Variants in SRBD1 observed in about 807,000 individuals in gnomAD.
SRBD1 encodes the protein S1 RNA-binding domain-containing protein 1.
Under a neutral mutation model 115.3 loss-of-function variants are expected in SRBD1, and 88 were observed. The ratio of observed to expected loss-of-function variants is 0.76; its 90% confidence interval spans 0.64 to 0.91. The LOEUF (loss-of-function observed/expected upper bound fraction) is 0.91. Ranked by LOEUF, SRBD1 falls within the 40% of genes least tolerant of loss-of-function variation. The pLI is 0.00. For synonymous variants in SRBD1, 509 were observed against 407.7 expected, an observed-to-expected ratio of 1.25 and a Z score of -2.99; for missense variants, 1,385 against 1,177.4, an observed-to-expected ratio of 1.18 and a Z score of -2.58.
intron 16 of SRBD1, among the ~76,000 whole-genome samples, chr2:45,472,336 G>A (rs1244107048): frequency 6.6e-6 from 1 of 152,180 alleles, no homozygotes; most frequent in Non-Finnish European, 1.5e-5. Flanking sequence ...GAGAATGACT[G>A]CTAATGAATG....
chr2:45,412,402 T>C (rs763726631), intron 19 of SRBD1, among the ~76,000 whole-genome samples: 4 of 152,036 alleles, frequency 2.6e-5, no homozygotes, highest in Non-Finnish European at 4.4e-5. Context: ...AGAAAGCAAA[T>C]TAATGACATT....
chr2:45,519,106 AT>A (rs11459375), intron 14 of SRBD1, among the ~76,000 whole-genome samples: 1 of 152,064 alleles, frequency 6.6e-6, no homozygotes, highest in African/African-American at 2.4e-5. Flanking sequence ...ATAAGCTATA[AT>A]TTTTTAATCA....
intron 14 of SRBD1, among the ~76,000 whole-genome samples, chr2:45,510,475 A>C (rs924075312): frequency 3.3e-5 from 5 of 152,194 alleles, no homozygotes; most frequent in African/African-American, 1.2e-4. Flanking sequence ...AAAATACAGA[A>C]AAATCTTTCC....
intron 16 of SRBD1, among the ~76,000 whole-genome samples, chr2:45,440,646 A>G (rs1329396511): frequency 6.6e-6 from 1 of 152,196 alleles, no homozygotes; most frequent in Non-Finnish European, 1.5e-5. Flanking sequence ...GTAAATCTCT[A>G]TTTTTAGAGA....
At chr2:45,417,081 A>T (rs1667856120) in intron 18 of SRBD1, among the ~76,000 whole-genome samples, 1 of 152,256 alleles carries the variant, frequency 6.6e-6, no homozygotes, top group Non-Finnish European at 1.5e-5. Flanking sequence ...ATATAAACTA[A>T]CAAAAACAGA....
Position 45,443,808 on chromosome 2 carries a change from A to G in SRBD1, c.2050-23914T>C, listed in dbSNP as rs1668742086. Among the ~76,000 whole-genome samples the G allele has an allele frequency of 2.8e-5, 3 of 106,684 alleles. No individual in the cohort carries two copies. The South Asian group carries it at 8.8e-4, about 31-fold the overall frequency. 70.0% of individuals were successfully genotyped at this position (106,684 alleles called of 152,430 possible). A position where few individuals can be genotyped will look rare whatever the true frequency, so the allele number is the denominator to read the frequency against. On this transcript the variant is annotated intron_variant, in intron 16 of 20. Coordinates refer to ENST00000263736, the MANE Select transcript of SRBD1 (RefSeq NM_018079.5). ...CAAATAGTTCTGAAGTTATTTTGAA[A>G]AAAAAAAAAAAAAAGAGGTGATAAC...
At chr2:45,597,937 C>G (rs1673956291) in intron 4 of SRBD1, among the ~76,000 whole-genome samples, 1 of 152,182 alleles carries the variant, frequency 6.6e-6, no homozygotes, top group African/African-American at 2.4e-5. Flanking sequence ...CAGTCTAAAA[C>G]TTCTTAACTT....
intron 14 of SRBD1, among the ~76,000 whole-genome samples, chr2:45,530,596 A>T (rs1383754361): frequency 6.6e-6 from 1 of 152,094 alleles, no homozygotes; most frequent in African/African-American, 2.4e-5. Flanking sequence ...TATTAAAGAC[A>T]CACATCCTAT....
chr2:45,436,635 G>T (rs962819259), intron 16 of SRBD1, among the ~76,000 whole-genome samples: 3 of 152,086 alleles, frequency 2.0e-5, no homozygotes, highest in African/African-American at 7.2e-5. Flanking sequence ...CTAAGTGCAG[G>T]AAAAACTACC....
intron 4 of SRBD1, among the ~76,000 whole-genome samples, chr2:45,595,449 G>C (rs1373645052): frequency 6.6e-6 from 1 of 152,104 alleles, no homozygotes; most frequent in Non-Finnish European, 1.5e-5. Flanking sequence ...TTCCCCCAAA[G>C]AATTTGGACA....
intron 14 of SRBD1, among the ~76,000 whole-genome samples, chr2:45,502,575 G>A (rs374045126): frequency 4.6e-5 from 7 of 151,848 alleles, no homozygotes; most frequent in African/African-American, 7.2e-5. Flanking sequence ...GCAAACTATC[G>A]CAGGGACAGA....
chr2:45,505,756 C>T (rs1413150863), intron 14 of SRBD1, among the ~76,000 whole-genome samples: 1 of 152,040 alleles, frequency 6.6e-6, no homozygotes, highest in East Asian at 1.9e-4. Context: ...AAGTAAGCTC[C>T]CCATATTTGG....
intron 14 of SRBD1, among the ~76,000 whole-genome samples, chr2:45,514,509 T>C (rs1671064635): frequency 6.6e-6 from 1 of 152,206 alleles, no homozygotes; most frequent in African/African-American, 2.4e-5. Context: ...AAAGTGCTAC[T>C]GAGTGCATTC....
At chr2:45,541,092 G>A (rs1042490470) in intron 14 of SRBD1, among the ~76,000 whole-genome samples, 3 of 152,240 alleles carry the variant, frequency 2.0e-5, no homozygotes, top group South Asian at 2.1e-4. Flanking sequence ...GCCAGGCGTA[G>A]TGCGGTGAGC....
chr2:45,458,573 G>C (rs1558408560), intron 16 of SRBD1, among the ~76,000 whole-genome samples: 2 of 152,040 alleles, frequency 1.3e-5, no homozygotes, highest in Admixed American at 1.3e-4. Flanking sequence ...AGTGTTTTAA[G>C]AAAAAAGACA....
chr2:45,445,655 A>G (rs188673947), intron 16 of SRBD1, among the ~76,000 whole-genome samples: 8 of 152,082 alleles, frequency 5.3e-5, no homozygotes, highest in Admixed American at 5.2e-4. Flanking sequence ...GTTAGACAGC[A>G]TAGAAAAACC....
intron 14 of SRBD1, among the ~76,000 whole-genome samples, chr2:45,541,009 G>A (rs910865010): frequency 3.3e-5 from 5 of 152,176 alleles, no homozygotes; most frequent in Non-Finnish European, 4.4e-5. Flanking sequence ...CCCTGGGCTC[G>A]TTCCACTCAC....
chr2:45,577,851 T>C (rs183151099), intron 7 of SRBD1, among the ~76,000 whole-genome samples: 4 of 152,242 alleles, frequency 2.6e-5, no homozygotes, highest in African/African-American at 9.6e-5. Flanking sequence ...CTAGCTTATA[T>C]AGACTTACTA....
At chr2:45,465,000 TACACACACACACACAC>T (rs58288876) in intron 16 of SRBD1, among the ~76,000 whole-genome samples, 44 of 120,304 alleles carry the variant, frequency 3.7e-4, no homozygotes, top group Middle Eastern at 4.1e-3. Flanking sequence ...GTTGAGATTG[TACACACACACACACAC>T]ACACACACAC....
Sources: allele counts gnomAD v4.1 joint callset (sites outside exome capture counted in the v4.1 genomes callset), GRCh38; gene constraint gnomAD v4.1.1; transcripts MANE v1.5; gene names NCBI Gene and HGNC (gene_info 2026-07-23, HGNC 2026-07-21).